The following CEP170 variants were observed in gnomAD, a reference collection of about 807,000 sequenced individuals.
CEP170 encodes centrosomal protein 170.
A neutral mutation model predicts 151.9 loss-of-function variants in CEP170; 21 were observed. The observed-to-expected ratio is 0.14, with a 90% confidence interval of 0.10 to 0.20. The LOEUF (loss-of-function observed/expected upper bound fraction) is 0.20. Ranked by LOEUF, CEP170 falls within the 10% of genes least tolerant of loss-of-function variation. The probability of loss-of-function intolerance (pLI) is 1.00; values close to 1 mark genes in which losing one functional copy is unlikely to be tolerated. For missense variants in CEP170, 964 were observed against 1,892.9 expected, an observed-to-expected ratio of 0.51 and a Z score of 9.11; for synonymous variants, 356 against 648.8, an observed-to-expected ratio of 0.55 and a Z score of 6.86.
chr1:243,200,262 A>T (rs183260050), intron 6 of CEP170, among the ~76,000 whole-genome samples: 23 of 152,208 alleles, frequency 1.5e-4, no homozygotes, highest in Admixed American at 1.3e-3. Context: ...CCAGTCCCCC[A>T]CGGATACTGA....
intron 13 of CEP170, chr1:243,156,817 T>C (rs2057598664): frequency 1.2e-5 from 2 of 164,172 alleles, no homozygotes; most frequent in African/African-American, 4.9e-5. Flanking sequence ...AGTGAAAATA[T>C]GAATTTTTCA....
chr1:243,148,096 T>C (rs1042105916), intron 14 of CEP170, among the ~76,000 whole-genome samples: 1 of 151,768 alleles, frequency 6.6e-6, no homozygotes, highest in Non-Finnish European at 1.5e-5. Context: ...GGAGAATCCT[T>C]TGAACTTGGG....
At chr1:243,233,589 C>T (rs897253758) in intron 1 of CEP170, among the ~76,000 whole-genome samples, 5 of 151,404 alleles carry the variant, frequency 3.3e-5, no homozygotes, top group African/African-American at 1.2e-4. Context: ...AAAAATTAGC[C>T]GATTGTGGTG....
At chr1:243,127,479 G>A (rs1243068703) in intron 19 of CEP170, among the ~76,000 whole-genome samples, 1 of 152,134 alleles carries the variant, frequency 6.6e-6, no homozygotes, top group Non-Finnish European at 1.5e-5. Flanking sequence ...TCATGTAGAA[G>A]GGACTTTTAA....
At chr1:243,172,346 G>T (rs1026447765) in intron 11 of CEP170, among the ~76,000 whole-genome samples, 46 of 152,266 alleles carry the variant, frequency 3.0e-4, no homozygotes, top group African/African-American at 8.4e-4. Context: ...CAAATGATAA[G>T]AATTCAGGCC....
intron 3 of CEP170, among the ~76,000 whole-genome samples, chr1:243,218,059 T>C (rs955386867): frequency 1.3e-5 from 2 of 152,208 alleles, no homozygotes; most frequent in African/African-American, 4.8e-5. Context: ...CAATTGATAG[T>C]ATAAAATCAT....
At chr1:243,251,172 C>A (rs751517093) in intron 1 of CEP170, among the ~76,000 whole-genome samples, 2 of 152,184 alleles carry the variant, frequency 1.3e-5, no homozygotes, top group Non-Finnish European at 2.9e-5. Flanking sequence ...CTTCCTATTA[C>A]ACTTTTTGGA....
chr1:243,144,017 C>A (rs551574756), intron 14 of CEP170, among the ~76,000 whole-genome samples: 1 of 152,300 alleles, frequency 6.6e-6, no homozygotes, highest in South Asian at 2.1e-4. Flanking sequence ...GTAAAAACGT[C>A]AGTTAATTCC....
intron 7 of CEP170, among the ~76,000 whole-genome samples, chr1:243,194,113 T>C (rs1375033435): frequency 6.6e-6 from 1 of 150,802 alleles, no homozygotes; most frequent in Non-Finnish European, 1.5e-5. Flanking sequence ...TTTACTCAGA[T>C]CACATGTAGC....
chr1:243,245,169 A>G (rs969033714), intron 1 of CEP170, among the ~76,000 whole-genome samples: 2 of 152,340 alleles, frequency 1.3e-5, no homozygotes, highest in Admixed American at 6.5e-5. Flanking sequence ...AAAGGCACAC[A>G]TACAAGCAAC....
Position 243,200,795 on chromosome 1 carries a change from G to A in CEP170, c.315C>T (p.Val105=). ...CTGTTACCTTAAGAGCTTCTTCAGG[G>A]ACCCTCATTTCTCCTTGTACTACAG... The part of the protein sequence containing the change: ...LFTVVQGEMR[V]PEEALKHEKF... Residue 105 remains valine (V), a synonymous_variant, in exon 5 of 20, where the codon GTC becomes GTT. Transcript: ENST00000366542. The A allele has an allele frequency of 1.2e-6, 2 of 1,611,924 alleles. No homozygotes were observed. Among genetic ancestry groups the A allele is most frequent in the Non-Finnish European group, 1.7e-6 (2 of 1,179,102 alleles).
At chr1:243,215,393 A>T (rs1373642401) in intron 3 of CEP170, among the ~76,000 whole-genome samples, 1 of 152,228 alleles carries the variant, frequency 6.6e-6, no homozygotes, top group African/African-American at 2.4e-5. Flanking sequence ...AATAGGAGAA[A>T]TATCGCTGAA....
chr1:243,162,200 C>T (rs180770364), intron 13 of CEP170, among the ~76,000 whole-genome samples: 20 of 152,178 alleles, frequency 1.3e-4, no homozygotes, highest in Admixed American at 4.6e-4. Context: ...GATAATAATC[C>T]AGTAGATTCT....
At chr1:243,226,058 G>GATAT (rs10632118) in intron 1 of CEP170, among the ~76,000 whole-genome samples, 129 of 109,892 alleles carry the variant, frequency 1.2e-3, no homozygotes, top group African/African-American at 3.2e-3. Context: ...TATATATCTA[G>GATAT]ATATATATAT....
chr1:243,252,650 G>A (rs955439905), intron 1 of CEP170, among the ~76,000 whole-genome samples: 11 of 151,948 alleles, frequency 7.2e-5, no homozygotes, highest in African/African-American at 2.7e-4. Context: ...TAGGGAACAG[G>A]CAGATTATTT....
intron 10 of CEP170, among the ~76,000 whole-genome samples, chr1:243,175,791 A>T (rs959459996): frequency 2.3e-5 from 2 of 87,152 alleles, no homozygotes; most frequent in African/African-American, 4.3e-5. Context: ...AAGGCTCAAC[A>T]GTATTTCTTT....
At chr1:243,137,907 A>C (rs1259035548) in intron 16 of CEP170, among the ~76,000 whole-genome samples, 1 of 152,226 alleles carries the variant, frequency 6.6e-6, no homozygotes, top group African/African-American at 2.4e-5. Context: ...GTGGGTAATA[A>C]AAGTTTATTT....
intron 13 of CEP170, among the ~76,000 whole-genome samples, chr1:243,158,994 G>A (rs986057532): frequency 2.0e-5 from 3 of 152,114 alleles, no homozygotes; most frequent in African/African-American, 7.2e-5. Context: ...GTGAACCCTG[G>A]AGTCGGAGGG....
rs769040083 is a variant in CEP170, at chr1:243,164,904, G to A, written c.3056C>T (p.Ser1019Leu). ...VQSSGRIRQP[S>L]VDLTDDDQTS... ...TTGGTCATCATCTGTTAAGTCTACT[G>A]AGGGCTGTCTTATTCTCCCACTGGA... Residue 1019 changes from serine (S) to leucine (L), a missense_variant, in exon 13 of 20, where the codon TCA becomes TTA. Transcript: ENST00000366542. 5 of 1,613,846 alleles carry A rather than the reference G, an allele frequency of 3.1e-6. No homozygotes were observed. Among genetic ancestry groups the A allele is most frequent in the Non-Finnish European group, 4.2e-6 (5 of 1,179,736 alleles).
Sources: gnomAD v4.1 joint callset for allele counts (sites outside exome capture counted in the v4.1 genomes callset) on GRCh38, gnomAD v4.1.1 for gene constraint, MANE v1.5 for transcripts, NCBI Gene and HGNC (gene_info 2026-07-23, HGNC 2026-07-21) for gene names.